The following CNTN6 variants were observed in gnomAD, a reference collection of about 807,000 sequenced individuals.
CNTN6 encodes the protein contactin 6.
In CNTN6, 137 loss-of-function variants were observed where a neutral mutation model predicts 122.8. The observed-to-expected ratio is 1.12, with a 90% CI of 0.97 to 1.29. The LOEUF (loss-of-function observed/expected upper bound fraction) is 1.29. Ranked by LOEUF, CNTN6 falls within the 50% of genes most tolerant of loss-of-function variation. The pLI is 0.00. For missense variants in CNTN6, 1,634 were observed against 1,223.4 expected (o/e 1.34, Z -5.01); for synonymous variants, 570 against 426.0 (o/e 1.34, Z -4.16).
At chr3:1,224,679 A>G (rs2094255601) in intron 3 of CNTN6, among the ~76,000 whole-genome samples, 1 of 151,910 alleles carries the variant, frequency 6.6e-6, no homozygotes, top group Non-Finnish European at 1.5e-5. Flanking sequence ...GCACACATGC[A>G]CACACACACA....
At chr3:1,357,824 C>T (rs1706819531) in intron 12 of CNTN6, among the ~76,000 whole-genome samples, 1 of 151,076 alleles carries the variant, frequency 6.6e-6, no homozygotes. Flanking sequence ...TGTGCATTTA[C>T]ATTTTATTAT....
intron 11 of CNTN6, among the ~76,000 whole-genome samples, chr3:1,350,305 C>G (rs1272263361): frequency 6.6e-6 from 1 of 151,726 alleles, no homozygotes; most frequent in African/African-American, 2.4e-5. Context: ...TCTGCTGAAA[C>G]TTCTTGGACC....
intron 4 of CNTN6, among the ~76,000 whole-genome samples, chr3:1,271,996 A>T (rs1243568685): frequency 6.6e-6 from 1 of 152,148 alleles, no homozygotes; most frequent in African/African-American, 2.4e-5. Flanking sequence ...TAATTGAATC[A>T]TGGGGGCAGG....
chr3:1,285,898 T>C (rs1000573920), intron 5 of CNTN6, among the ~76,000 whole-genome samples: 1 of 152,198 alleles, frequency 6.6e-6, no homozygotes, highest in Non-Finnish European at 1.5e-5. Flanking sequence ...TCTACTGATT[T>C]GCCTAAAATT....
chr3:1,274,443 G>T (rs1172804796), intron 4 of CNTN6, among the ~76,000 whole-genome samples: 1 of 152,006 alleles, frequency 6.6e-6, no homozygotes, highest in African/African-American at 2.4e-5. Flanking sequence ...ACGGGAAGGG[G>T]GTGTAGTTGA....
At chr3:1,392,883 C>A (rs1290214309) in intron 20 of CNTN6, among the ~76,000 whole-genome samples, 1 of 127,904 alleles carries the variant, frequency 7.8e-6, no homozygotes, top group Non-Finnish European at 1.7e-5. Context: ...CTTAGAATGG[C>A]GATCATTAAA....
chr3:1,158,788 A>ATG (rs572680621), intron 2 of CNTN6, among the ~76,000 whole-genome samples: 2 of 110,894 alleles, frequency 1.8e-5, no homozygotes, highest in Non-Finnish European at 3.6e-5. Context: ...GTGTGTATAT[A>ATG]TGTGTATATA....
At chr3:1,124,248 G>T (rs2092073428) in intron 1 of CNTN6, among the ~76,000 whole-genome samples, 1 of 151,838 alleles carries the variant, frequency 6.6e-6, no homozygotes, top group Admixed American at 6.6e-5. Flanking sequence ...GGATTAGCCA[G>T]GCCAACGCGC....
chr3:1,367,312 C>T (rs1029944448), intron 12 of CNTN6, among the ~76,000 whole-genome samples: 2 of 151,990 alleles, frequency 1.3e-5, no homozygotes, highest in Non-Finnish European at 2.9e-5. Context: ...CCCATCCCTC[C>T]CTCCCACCAG....
chr3:1,260,621 A>C (rs2094829899), intron 4 of CNTN6, among the ~76,000 whole-genome samples: 1 of 152,142 alleles, frequency 6.6e-6, no homozygotes. Context: ...CCCAAATCTC[A>C]TCTTGAATTG....
At chr3:1,292,014 C>T (rs262808) in intron 5 of CNTN6, among the ~76,000 whole-genome samples, 225 of 152,160 alleles carry the variant, frequency 1.5e-3, no homozygotes, top group African/African-American at 5.1e-3. Flanking sequence ...GTTTAACCCC[C>T]ATCCATCGTC....
intron 17 of CNTN6, among the ~76,000 whole-genome samples, chr3:1,381,152 G>A (rs543121265): frequency 6.6e-6 from 1 of 152,246 alleles, no homozygotes; most frequent in African/African-American, 2.4e-5. Context: ...TTATGTAGAT[G>A]AACTGACTAA....
chr3:1,355,043 C>A (rs1706326822), intron 12 of CNTN6, among the ~76,000 whole-genome samples: 1 of 151,468 alleles, frequency 6.6e-6, no homozygotes, highest in Non-Finnish European at 1.5e-5. Context: ...GATAACATAA[C>A]TGATGTCACT....
chr3:1,288,634 T>C (rs1360815513), intron 5 of CNTN6, among the ~76,000 whole-genome samples: 1 of 152,244 alleles, frequency 6.6e-6, no homozygotes, highest in Non-Finnish European at 1.5e-5. Context: ...GCTATCAATT[T>C]TGAGATCTGT....
At position 1,372,302 on chromosome 3, in the gene CNTN6, G is replaced by A. The variant is rs1184395426; in HGVS notation, c.1496G>A (p.Arg499Lys). The change falls in exon 13 of 23, where the codon AGA (arginine) becomes AAA (lysine). Residue 499 changes from arginine to lysine, a missense_variant. Transcript: ENST00000446702. ...AAATAATTTTTTTTCTCAACAGAGA[G>A]AACTGTCATTACCGTCCCACCTTCC... ...KNTGSLIVKE[R>K]TVITVPPSKM... 9 of 1,598,990 alleles carry A rather than the reference G, an allele frequency of 5.6e-6. No homozygotes were observed. The highest frequency in any genetic ancestry group is 1.4e-5 in the African/African-American group (1 of 74,060).
At chr3:1,382,107 A>C (rs1037144779) in intron 17 of CNTN6, among the ~76,000 whole-genome samples, 1 of 137,936 alleles carries the variant, frequency 7.2e-6, no homozygotes, top group African/African-American at 2.7e-5. Context: ...ATATTTATTA[A>C]AAAAAAAAAA....
At chr3:1,144,148 A>G (rs2092674590) in intron 1 of CNTN6, among the ~76,000 whole-genome samples, 1 of 152,188 alleles carries the variant, frequency 6.6e-6, no homozygotes, top group Middle Eastern at 3.2e-3. Context: ...AGTGTTACAC[A>G]TGGTGTTTAT....
chr3:1,179,826 T>C (rs2093520991), intron 2 of CNTN6, among the ~76,000 whole-genome samples: 2 of 152,162 alleles, frequency 1.3e-5, no homozygotes, highest in East Asian at 1.9e-4. Flanking sequence ...TTCCCTGTTA[T>C]CTTGCCCCAA....
chr3:1,268,433 C>T (rs1437215250), intron 4 of CNTN6, among the ~76,000 whole-genome samples: 7 of 152,000 alleles, frequency 4.6e-5, no homozygotes, highest in African/African-American at 7.2e-5. Context: ...TGGTGAAACC[C>T]CGTCTCTACT....
Sources: gnomAD v4.1 joint callset for allele counts (sites outside exome capture counted in the v4.1 genomes callset) on GRCh38, gnomAD v4.1.1 for gene constraint, MANE v1.5 for transcripts, NCBI Gene and HGNC (gene_info 2026-07-23, HGNC 2026-07-21) for gene names.